DPY19L2: variants seen among roughly 807,000 people sequenced by gnomAD.
DPY19L2 encodes the protein dpy-19 like 2.
Under a neutral mutation model 97.9 loss-of-function variants are expected in DPY19L2, and 34 were observed. The ratio of observed to expected loss-of-function variants is 0.35; its 90% CI spans 0.26 to 0.46. DPY19L2 has a LOEUF of 0.46. DPY19L2 is among the 20% of genes least tolerant of loss of function. The probability of loss-of-function intolerance (pLI) is 1.00; values close to 1 mark genes in which losing one functional copy is unlikely to be tolerated. For synonymous variants in DPY19L2, 230 were observed against 307.9 expected, an observed-to-expected ratio of 0.75 and a Z score of 2.65; for missense variants, 623 against 911.4, an observed-to-expected ratio of 0.68 and a Z score of 4.07.
At chr12:63,627,201 G>A (rs1384200242) in intron 6 of DPY19L2, among the ~76,000 whole-genome samples, 1 of 152,158 alleles carries the variant, frequency 6.6e-6, no homozygotes, top group African/African-American at 2.4e-5. Context: ...AGATGAAGAT[G>A]AGATTCTAAC....
At chr12:63,609,291 T>C (rs1322145755) in intron 11 of DPY19L2, among the ~76,000 whole-genome samples, 1 of 152,002 alleles carries the variant, frequency 6.6e-6, no homozygotes, top group African/African-American at 2.4e-5. Context: ...AAGTTGGGAT[T>C]GACACTAATA....
intron 4 of DPY19L2, among the ~76,000 whole-genome samples, chr12:63,653,228 G>A (rs1272488430): frequency 1.3e-5 from 2 of 151,964 alleles, no homozygotes; most frequent in African/African-American, 4.8e-5. Context: ...GTCTTGGAAG[G>A]AGACAGGAAA....
chr12:63,660,147 A>G (rs995305874), intron 4 of DPY19L2, among the ~76,000 whole-genome samples: 1 of 152,060 alleles, frequency 6.6e-6, no homozygotes, highest in Non-Finnish European at 1.5e-5. Context: ...AAAAGCTCAC[A>G]CTCTATAACA....
At chr12:63,593,606 C>T (rs1485617858) in intron 16 of DPY19L2, among the ~76,000 whole-genome samples, 1 of 151,768 alleles carries the variant, frequency 6.6e-6, no homozygotes, top group Non-Finnish European at 1.5e-5. Flanking sequence ...CACATGGACA[C>T]AGGAAGGGGA....
intron 6 of DPY19L2, among the ~76,000 whole-genome samples, chr12:63,636,036 G>T (rs546446623): frequency 5.9e-5 from 9 of 152,060 alleles, no homozygotes; most frequent in African/African-American, 2.2e-4. Flanking sequence ...GAGAAAGGTT[G>T]GGTTACCCAC....
intron 3 of DPY19L2, 88 bp downstream of exon 3, chr12:63,663,667 CAGA>C (rs35598493): frequency 0.23 from 253,548 of 1,105,334 alleles, 30,849 homozygotes; most frequent in Middle Eastern, 0.27. Flanking sequence ...TGCAGTTGAC[CAGA>C]AGTTCATTTC....
At position 63,644,470 on chromosome 12, in the gene DPY19L2, C is replaced by T. The variant is rs1319059505; in HGVS notation, c.736G>A (p.Val246Ile). Reference sequence around the variant, plus strand: ...CCATTTAAAATAAAGATTACACCAACATAAAAGCAAGCAGGATCTCCCAAT... The same window carrying T: ...CCATTTAAAATAAAGATTACACCAATATAAAAGCAAGCAGGATCTCCCAAT... ...EGLGDPACFY[V>I]GVIFILNGLM... Residue 246 changes from valine to isoleucine, a missense_variant, in exon 6 of 22, where the codon GTT becomes ATT. Val to Ile is a conservative substitution (Grantham distance 29). Coordinates refer to ENST00000324472, the MANE Select transcript of DPY19L2 (RefSeq NM_173812.5). 1 of 1,611,194 alleles carries T rather than the reference C, an allele frequency of 6.2e-7. No homozygotes were observed. Among genetic ancestry groups the T allele is most frequent in the Non-Finnish European group, 8.5e-7 (1 of 1,178,970 alleles).
intron 6 of DPY19L2, among the ~76,000 whole-genome samples, chr12:63,627,696 A>G (rs1889809346): frequency 6.6e-6 from 1 of 152,152 alleles, no homozygotes; most frequent in Non-Finnish European, 1.5e-5. Flanking sequence ...TCTGTGTATG[A>G]GAATGCAGAT....
At chr12:63,644,118 T>C (rs1893069714) in intron 6 of DPY19L2, among the ~76,000 whole-genome samples, 1 of 152,106 alleles carries the variant, frequency 6.6e-6, no homozygotes, top group Non-Finnish European at 1.5e-5. Context: ...TCTCCTCCAA[T>C]GTTTTATTAA....
At chr12:63,571,134 C>CT (rs1358852743) in intron 19 of DPY19L2, among the ~76,000 whole-genome samples, 2 of 152,064 alleles carry the variant, frequency 1.3e-5, no homozygotes, top group Non-Finnish European at 2.9e-5. Context: ...TCTGTTCTTA[C>CT]TTTGTAGAAT....
chr12:63,589,817 G>A (rs902203612), intron 16 of DPY19L2, among the ~76,000 whole-genome samples: 3 of 152,030 alleles, frequency 2.0e-5, no homozygotes, highest in Non-Finnish European at 2.9e-5. Context: ...AAAATGTTAC[G>A]TCTATGGAAA....
chr12:63,582,012 G>T (rs2137372130), intron 18 of DPY19L2, among the ~76,000 whole-genome samples: 1 of 150,370 alleles, frequency 6.7e-6, no homozygotes, highest in East Asian at 2.0e-4. Context: ...TGTTGGCCGG[G>T]CTGGTCTCGA....
At chr12:63,591,282 C>T (rs543516752) in intron 16 of DPY19L2, among the ~76,000 whole-genome samples, 52 of 152,210 alleles carry the variant, frequency 3.4e-4, no homozygotes, top group African/African-American at 1.2e-3. Flanking sequence ...ATTCTTTCTA[C>T]TGTCTTCACA....
At chr12:63,583,983 A>T in intron 16 of DPY19L2, 147 bp from the exon 17 acceptor site, 6 of 586,388 alleles carry the variant, frequency 1.0e-5, no homozygotes, top group Non-Finnish European at 1.8e-5. Flanking sequence ...TAAAAATATC[A>T]GATAATAGTA....
intron 6 of DPY19L2, among the ~76,000 whole-genome samples, chr12:63,630,262 A>G (rs1209432921): frequency 2.6e-5 from 4 of 152,312 alleles, no homozygotes; most frequent in East Asian, 3.9e-4. Flanking sequence ...ATTAAAAGAC[A>G]CAGACTGGCA....
chr12:63,569,068 T>A (rs1878311099), intron 21 of DPY19L2, among the ~76,000 whole-genome samples, 156 bp downstream of exon 21: 1 of 152,004 alleles, frequency 6.6e-6, no homozygotes. Context: ...AGTATAGTTT[T>A]ATGTCTCTAG....
In DPY19L2 at chr12:63,621,224, A is replaced by G. The variant is rs1213629506; in HGVS notation, c.1053+14T>C. ...TAAAATAAAAATAAAAATTAATTTA[A>G]AAAATCATCTTACCTGTGTAAAAAG... On this transcript the variant is annotated intron_variant, in intron 9 of 21. Coordinates refer to ENST00000324472, the MANE Select transcript of DPY19L2 (RefSeq NM_173812.5). The G allele has an allele frequency of 1.0e-6, 1 of 955,616 alleles. No individual in the cohort carries two copies. Among genetic ancestry groups the G allele is most frequent in the Non-Finnish European group, 1.6e-6 (1 of 624,766 alleles). The allele number at this position is 955,616 out of a possible 1,614,324, so 59.2% of individuals were successfully genotyped here.
chr12:63,632,372 G>A (rs193270693), intron 6 of DPY19L2, among the ~76,000 whole-genome samples: 4,499 of 152,178 alleles, frequency 0.03, 105 homozygotes, highest in Middle Eastern at 0.082. Context: ...CAAAGTCTCA[G>A]GATACAAAAT....
rs1452773410 is a variant in DPY19L2 at position 63,661,344 on chromosome 12, C to T, written c.588G>A (p.Glu196=). 2 of 1,570,910 alleles carry T rather than the reference C, an allele frequency of 1.3e-6. No homozygotes were observed. Among genetic ancestry groups the T allele is most frequent in the South Asian group, 1.2e-5 (1 of 82,896 alleles). ...NAIKRFHLYP[E]VIIASWYCTF... is the part of the protein sequence containing the mutation. ...TTATTTGTCTCAAATTATGACTCAC[C>T]TCTGGATAAAGATGGAAGCGTTTTA... The change falls in exon 4 of 22, where the codon GAG becomes GAA. Residue 196 remains glutamate, a splice_region_variant and synonymous_variant. Coordinates refer to ENST00000324472, the MANE Select transcript of DPY19L2 (RefSeq NM_173812.5).
Sources: gnomAD v4.1 joint callset for allele counts (sites outside exome capture counted in the v4.1 genomes callset) on GRCh38, gnomAD v4.1.1 for gene constraint, MANE v1.5 for transcripts, NCBI Gene and HGNC (gene_info 2026-07-23, HGNC 2026-07-21) for gene names.